The following PPP2R5C variants were observed in gnomAD, a reference collection of about 807,000 sequenced individuals.
PPP2R5C encodes protein phosphatase 2 regulatory subunit B'gamma, also known as serine/threonine-protein phosphatase 2A 56 kDa regulatory subunit gamma isoform.
Under a neutral mutation model 68.9 loss-of-function variants are expected in PPP2R5C, and 7 were observed. That is an observed-to-expected ratio of 0.10 (90% CI 0.06 to 0.19). The LOEUF (loss-of-function observed/expected upper bound fraction) is 0.19. PPP2R5C is among the 10% of genes least tolerant of loss of function. The pLI is 1.00. For synonymous variants in PPP2R5C, 210 were observed against 222.2 expected (o/e 0.95, Z 0.49); for missense variants, 348 against 641.3 (o/e 0.54, Z 4.94).
intron 3 of PPP2R5C, among the ~76,000 whole-genome samples, chr14:101,791,504 T>G (rs2038364628): frequency 6.6e-6 from 1 of 152,160 alleles, no homozygotes; most frequent in African/African-American, 2.4e-5. Context: ...TAAAATAGTG[T>G]TTTTATTATT....
intron 2 of PPP2R5C, among the ~76,000 whole-genome samples, chr14:101,773,983 C>T (rs1036860880): frequency 6.6e-6 from 1 of 152,244 alleles, no homozygotes; most frequent in Admixed American, 6.5e-5. Flanking sequence ...ACATGAACCA[C>T]TGAGTCTGGT....
At chr14:101,821,853 T>G (rs1476168594) in intron 1 of PPP2R5C, among the ~76,000 whole-genome samples, 1 of 152,100 alleles carries the variant, frequency 6.6e-6, no homozygotes, top group Non-Finnish European at 1.5e-5. Context: ...TTTACAGGTG[T>G]GATGACCGGG....
At chr14:101,886,709 T>TTTTTC (rs761421612) in intron 5 of PPP2R5C, among the ~76,000 whole-genome samples, 33 of 152,096 alleles carry the variant, frequency 2.2e-4, no homozygotes, top group African/African-American at 4.8e-4. Context: ...CATCTAGGTT[T>TTTTTC]TTTTCTTTTC....
intron 1 of PPP2R5C, among the ~76,000 whole-genome samples, chr14:101,815,091 T>C (rs1345489823): frequency 1.3e-5 from 2 of 152,138 alleles, no homozygotes; most frequent in Non-Finnish European, 2.9e-5. Context: ...CTCTGTTCTC[T>C]CTCTGAATCT....
chr14:101,912,160 C>CTTA (rs1359577851), intron 11 of PPP2R5C, among the ~76,000 whole-genome samples: 1 of 152,148 alleles, frequency 6.6e-6, no homozygotes, highest in Non-Finnish European at 1.5e-5. Context: ...ATAAGACGTA[C>CTTA]TTATATAAGA....
intron 2 of PPP2R5C, among the ~76,000 whole-genome samples, chr14:101,774,925 G>A (rs933808533): frequency 6.6e-6 from 1 of 152,248 alleles, no homozygotes; most frequent in African/African-American, 2.4e-5. Flanking sequence ...GTTGCAGCAA[G>A]AGAGAAGCCA....
chr14:101,925,142 C>T, exon 14 of PPP2R5C: 1 of 1,613,928 alleles, frequency 6.2e-7, no homozygotes, highest in South Asian at 1.1e-5. Context: ...TAATTCCAGG[C>T]ACAGAAAGAT....
intron 1 of PPP2R5C, chr14:101,824,366 A>G: frequency 3.0e-6 from 1 of 333,628 alleles, no homozygotes; most frequent in Non-Finnish European, 5.5e-6. Flanking sequence ...GAAAGCATCA[A>G]GAAATATTTC....
Position 101,877,917 on chromosome 14 carries a change from C to T in PPP2R5C, c.295-4244C>T, listed in dbSNP as rs8012434. 0.043 allele frequency among the ~76,000 whole-genome samples: 6,549 copies of T among 152,218 alleles called. 194 individuals carry two copies. Among genetic ancestry groups the T allele is most frequent in the Middle Eastern group, 0.075 (22 of 294 alleles). On this transcript the variant is annotated intron_variant, in intron 2 of 13. Transcript: ENST00000334743. This position sits in a 1 kb window ranked among gnomAD's most constrained non-coding sequence, Gnocchi z 4.2. ...ACCTAGGTCGGTCATCAGTCAAGGA[C>T]GCTGTATCAGTCTGCTCAGGCTGCC...
chr14:101,775,198 A>G (rs7155584), intron 2 of PPP2R5C, among the ~76,000 whole-genome samples: 10,158 of 152,214 alleles, frequency 0.067, 1,148 homozygotes, highest in African/African-American at 0.23. Flanking sequence ...GAGATCAGTG[A>G]TTCGGCCCTG....
intron 12 of PPP2R5C, chr14:101,914,148 C>G (rs537279423): frequency 4.4e-6 from 2 of 454,932 alleles, no homozygotes; most frequent in Admixed American, 2.4e-5. Flanking sequence ...TGGTTGCTCT[C>G]TTTGCAAACG....
chr14:101,842,077 CAG>C (rs938173231), intron 1 of PPP2R5C, among the ~76,000 whole-genome samples: 18 of 152,182 alleles, frequency 1.2e-4, no homozygotes, highest in Admixed American at 9.8e-4. Flanking sequence ...AGTGGCAGCG[CAG>C]ACTTATGGGT....
intron 3 of PPP2R5C, among the ~76,000 whole-genome samples, chr14:101,801,873 G>C (rs1410789134): frequency 6.6e-6 from 1 of 152,174 alleles, no homozygotes; most frequent in Non-Finnish European, 1.5e-5. Flanking sequence ...AAAGAGATAA[G>C]CATAGCCAAA....
chr14:101,829,336 C>G (rs148294966), intron 1 of PPP2R5C, among the ~76,000 whole-genome samples: 2 of 152,294 alleles, frequency 1.3e-5, no homozygotes, highest in African/African-American at 4.8e-5. Flanking sequence ...TAACTCTTTT[C>G]TCTCCCTCTC....
At chr14:101,908,005 A>AGGAT (rs1395104717) in intron 10 of PPP2R5C, among the ~76,000 whole-genome samples, 2 of 152,186 alleles carry the variant, frequency 1.3e-5, no homozygotes, top group African/African-American at 4.8e-5. Context: ...GATCAGAGTG[A>AGGAT]GGATGACTTT....
At chr14:101,912,639 C>G in intron 12 of PPP2R5C, 166 bp downstream of exon 14, 2 of 1,295,402 alleles carry the variant, frequency 1.5e-6, no homozygotes, top group Non-Finnish European at 2.0e-6. Context: ...TCCTTTTGTA[C>G]AAGTACTTAT....
chr14:101,770,645 C>G (rs1443532267), intron 2 of PPP2R5C, among the ~76,000 whole-genome samples: 1 of 152,214 alleles, frequency 6.6e-6, no homozygotes, highest in African/African-American at 2.4e-5. Flanking sequence ...ATTCCTCTCC[C>G]TCTTCAGTAA....
chr14:101,901,260 ACTT>A (rs911679048), intron 8 of PPP2R5C, among the ~76,000 whole-genome samples: 1 of 151,944 alleles, frequency 6.6e-6, no homozygotes, highest in Non-Finnish European at 1.5e-5. Flanking sequence ...TATTGTCCTA[ACTT>A]CTTATTTTTT....
intron 2 of PPP2R5C, among the ~76,000 whole-genome samples, chr14:101,864,026 C>T (rs965478730): frequency 2.0e-5 from 3 of 152,218 alleles, no homozygotes; most frequent in African/African-American, 7.2e-5. Flanking sequence ...ACTTCAATAA[C>T]TGTTTTGAAT....
Sources: gnomAD v4.1 joint callset for allele counts (sites outside exome capture counted in the v4.1 genomes callset) on GRCh38, gnomAD v4.1.1 for gene constraint, Gnocchi (gnomAD v3.1) non-coding constraint, MANE v1.5 for transcripts, NCBI Gene and HGNC (gene_info 2026-07-23, HGNC 2026-07-21) for gene names.